The following ORMDL2 variants were observed in gnomAD, a reference collection of about 807,000 sequenced individuals.
The protein encoded by ORMDL2 is ORMDL sphingolipid biosynthesis regulator 2.
In ORMDL2, 11 loss-of-function variants were observed where a neutral mutation model predicts 13.5. The observed-to-expected ratio is 0.82, with a 90% CI of 0.51 to 1.35. The LOEUF is 1.35. Among genes scored for constraint, ORMDL2 ranks in the 40% most tolerant of loss-of-function variants. ORMDL2 has a pLI of 0.00. For synonymous variants in ORMDL2, 73 were observed against 76.5 expected, an observed-to-expected ratio of 0.95 and a Z score of 0.24; for missense variants, 160 against 191.1, an observed-to-expected ratio of 0.84 and a Z score of 0.96.
rs1355271348 is a variant in ORMDL2 at position 55,819,411 on chromosome 12, C to G, written c.244C>G (p.Leu82Val). 8.7e-6 allele frequency: 14 copies of G among 1,614,062 alleles called. No homozygotes were observed. Among genetic ancestry groups the G allele is most frequent in the Non-Finnish European group, 1.2e-5 (14 of 1,179,972 alleles). The part of the protein sequence containing the change: ...FETPDQGKAR[L>V]LTHWEQMDYG... ...GACTCCTGACCAAGGAAAGGCTCGGCTACTGACACACTGGGAGCAAATGGA... is the reference window on the plus strand; with the variant it reads ...GACTCCTGACCAAGGAAAGGCTCGGGTACTGACACACTGGGAGCAAATGGA... The change falls in exon 3 of 4, where the codon CTA becomes GTA. Residue 82 changes from leucine (L) to valine (V), a missense_variant. By Grantham distance (32) the Leu-to-Val change is conservative. Coordinates refer to ENST00000243045, the MANE Select transcript of ORMDL2 (RefSeq NM_014182.5).
Position 55,819,347 on chromosome 12 carries a change from G to A in ORMDL2, c.180G>A (p.Thr60=), listed in dbSNP as rs769970940. ...TLTNVIHNLA[T]YVFLHTVKGT... The stretch of plus-strand genomic sequence containing the variant: ...GCCACCTTCCCTGTTCCCAGGCTAC[G>A]TATGTCTTCCTTCATACGGTGAAAG... The change falls in exon 3 of 4, where the codon ACG becomes ACA. Residue 60 remains threonine, a synonymous_variant. Transcript: ENST00000243045. 9 of 1,613,586 alleles carry A rather than the reference G, an allele frequency of 5.6e-6. No individual in the cohort carries two copies. Among genetic ancestry groups the A allele is most frequent in the South Asian group, 2.2e-5 (2 of 91,046 alleles).
chr12:55,820,225 T>C, intron 3 of ORMDL2, 35 bp from the exon 4 acceptor site: 1 of 1,586,830 alleles, frequency 6.3e-7, no homozygotes, highest in South Asian at 1.1e-5. Flanking sequence ...ATAGAGAAGG[T>C]CAACCTCACT....
rs1880674977 is a variant in ORMDL2, at chr12:55,821,868, G to T, written c.*1473G>T. On this transcript the variant is annotated 3_prime_UTR_variant, in exon 4 of 4. Transcript: ENST00000243045. ...AAGACTCCATCTCAAAAAATAAAAAGAAAAAGATTCAGTTCCTAGGTGTTG... is the reference window on the plus strand; with the variant it reads ...AAGACTCCATCTCAAAAAATAAAAATAAAAAGATTCAGTTCCTAGGTGTTG... 2.4e-6 allele frequency: 3 copies of T among 1,240,968 alleles called. No homozygotes were observed. The highest frequency in any genetic ancestry group is 2.5e-5 in the East Asian group (1 of 40,402). 76.9% of individuals were successfully genotyped at this position (1,240,968 alleles called of 1,614,324 possible). A position where few individuals can be genotyped will look rare whatever the true frequency, so the allele number is the denominator to read the frequency against.
In ORMDL2 at chr12:55,819,397, A is replaced by G. The variant is rs770171554; in HGVS notation, c.230A>G (p.Gln77Arg). Residue 77 changes from glutamine (Q) to arginine (R), a missense_variant, in exon 3 of 4, where the codon CAA becomes CGA. Coordinates refer to ENST00000243045, the MANE Select transcript of ORMDL2 (RefSeq NM_014182.5). ...VKGTPFETPD[Q>R]GKARLLTHWE... ...GGGACACCCTTTGAGACTCCTGACC[A>G]AGGAAAGGCTCGGCTACTGACACAC... 1.2e-6 allele frequency: 2 copies of G among 1,614,150 alleles called. No individual in the cohort carries two copies. The highest frequency in any genetic ancestry group is 1.7e-6 in the Non-Finnish European group (2 of 1,180,008).
chr12:55,818,241 T>G (rs1484431537), intron 1 of ORMDL2, 129 bp downstream of exon 1: 29 of 218,202 alleles, frequency 1.3e-4, no homozygotes, highest in South Asian at 2.7e-4. Flanking sequence ...CCGATGAACA[T>G]GAGGAGGAAG....
chr12:55,820,357 T>C lies in ORMDL2; in HGVS notation c.424T>C (p.Phe142Leu). 2 of 1,614,198 alleles carry C rather than the reference T, an allele frequency of 1.2e-6. No homozygotes were observed. Among genetic ancestry groups the C allele is most frequent in the Non-Finnish European group, 1.7e-6 (2 of 1,180,026 alleles). ...LSVLLPKLPQFHGVRVFGINK... is the reference protein window; with the variant it reads ...LSVLLPKLPQLHGVRVFGINK... ...TGTACTGCTGCCGAAGTTGCCCCAG[T>C]TCCATGGGGTTCGTGTCTTTGGCAT... is the stretch of plus-strand genomic sequence containing the variant. Residue 142 changes from phenylalanine to leucine, a missense_variant, in exon 4 of 4, where the codon TTC becomes CTC. Physicochemically the swap from Phe to Leu is conservative, Grantham distance 22. Transcript: ENST00000243045.
intron 3 of ORMDL2, among the ~76,000 whole-genome samples, chr12:55,820,039 G>A (rs1464967829): frequency 6.6e-6 from 1 of 152,194 alleles, no homozygotes; most frequent in Non-Finnish European, 1.5e-5. Context: ...AAGAGAAAGA[G>A]CAGGGCACTG....
Position 55,820,334 on chromosome 12 carries a change from T to C in ORMDL2, c.401T>C (p.Val134Ala). The change falls in exon 4 of 4, where the codon GTA (valine) becomes GCA (alanine). Residue 134 changes from valine to alanine, a missense_variant. Coordinates refer to ENST00000243045, the MANE Select transcript of ORMDL2 (RefSeq NM_014182.5). ...ATCAACACAGCCTCATTGCTAAGTG[T>C]ACTGCTGCCGAAGTTGCCCCAGTTC... ...FLINTASLLS[V>A]LLPKLPQFHG... The C allele has an allele frequency of 1.2e-6, 2 of 1,614,142 alleles. No homozygotes were observed. The highest frequency in any genetic ancestry group is 1.7e-6 in the Non-Finnish European group (2 of 1,179,992).
chr12:55,820,127 C>T, intron 3 of ORMDL2, 133 bp from the exon 4 acceptor site: 1 of 798,992 alleles, frequency 1.3e-6, no homozygotes, highest in South Asian at 1.7e-5. Context: ...TGAGGTTGTA[C>T]TGCACGTATC....
In ORMDL2 at chr12:55,818,061, G is replaced by A. The variant is rs1217750977; in HGVS notation, c.-53G>A. 3.7e-6 allele frequency: 2 copies of A among 542,998 alleles called. No homozygotes were observed. The highest frequency in any genetic ancestry group is 7.0e-6 in the Non-Finnish European group (2 of 284,150). The allele number at this position is 542,998 out of a possible 1,614,324, so 33.6% of individuals were successfully genotyped here. A position where few individuals can be genotyped will look rare whatever the true frequency, so the allele number is the denominator to read the frequency against. ...GAGGCGTTACTTCCTGGAGACTTCA[G>A]GTGTGGTAGCCGGCGCCGCGCCCAT... On this transcript the variant is annotated 5_prime_UTR_variant, in exon 1 of 4. Coordinates refer to ENST00000243045, the MANE Select transcript of ORMDL2 (RefSeq NM_014182.5).
In ORMDL2 at chr12:55,820,461, C is replaced by T; in HGVS notation, c.*66C>T. Reference sequence around the variant, plus strand: ...ACTGAAACAGAGGACTATAAAACATCCTTCTCTTATTCTCCATACTGTCTT... The same window carrying T: ...ACTGAAACAGAGGACTATAAAACATTCTTCTCTTATTCTCCATACTGTCTT... On this transcript the variant is annotated 3_prime_UTR_variant, in exon 4 of 4. Coordinates refer to ENST00000243045, the MANE Select transcript of ORMDL2 (RefSeq NM_014182.5). The T allele has an allele frequency of 6.5e-7, 1 of 1,536,090 alleles. No homozygotes were observed. The highest frequency in any genetic ancestry group is 9.0e-7 in the Non-Finnish European group (1 of 1,109,046).
In ORMDL2 at chr12:55,818,988, A is replaced by G; in HGVS notation, c.-1-11A>G. 3.7e-6 allele frequency: 6 copies of G among 1,609,196 alleles called. No individual in the cohort carries two copies. The highest frequency in any genetic ancestry group is 4.3e-6 in the Non-Finnish European group (5 of 1,175,864). ...GAGCTGGACTCCTGCCTGATCCCCC[A>G]TTACGGCTAGGATGAATGTGGGGGT... On this transcript the variant is annotated splice_polypyrimidine_tract_variant and intron_variant, in intron 1 of 3. Transcript: ENST00000243045.
chr12:55,819,053 T>C lies in ORMDL2; in HGVS notation c.54T>C (p.Asn18=), dbSNP rs1880589367. The C allele has an allele frequency of 6.2e-7, 1 of 1,614,022 alleles. No individual in the cohort carries two copies. Among genetic ancestry groups the C allele is most frequent in the South Asian group, 1.1e-5 (1 of 91,086 alleles). ...TAAACCCCAACACCCGAGTGATGAATAGCCGAGGCATCTGGCTGGCCTACA... is the reference window on the plus strand; with the variant it reads ...TAAACCCCAACACCCGAGTGATGAACAGCCGAGGCATCTGGCTGGCCTACA... ...SEVNPNTRVM[N]SRGIWLAYII... Residue 18 remains asparagine (N), a synonymous_variant, in exon 2 of 4, where the codon AAT becomes AAC. Coordinates refer to ENST00000243045, the MANE Select transcript of ORMDL2 (RefSeq NM_014182.5).
At chr12:55,819,592 T>C in intron 3 of ORMDL2, 99 bp downstream of exon 3, 6 of 1,038,948 alleles carry the variant, frequency 5.8e-6, no homozygotes, top group Non-Finnish European at 7.2e-6. Context: ...AGACTTCTCA[T>C]CTAAAACCCT....
chr12:55,819,203 C>CA (rs1395026451), intron 2 of ORMDL2, 30 bp downstream of exon 2: 3 of 1,598,690 alleles, frequency 1.9e-6, no homozygotes, highest in African/African-American at 2.7e-5. Flanking sequence ...CTTGTACCCA[C>CA]CCCAGGGTTT....
intron 3 of ORMDL2, 48 bp from the exon 4 acceptor site, chr12:55,820,212 T>C (rs773430886): frequency 6.5e-7 from 1 of 1,539,688 alleles, no homozygotes; most frequent in Non-Finnish European, 8.8e-7. Context: ...AAAAAGAATA[T>C]GGATAGAGAA....
chr12:55,819,347 G>GT lies in ORMDL2; in HGVS notation c.181dup (p.Tyr61LeufsTer13), dbSNP rs763937624. 6.2e-7 allele frequency: 1 copy of GT among 1,613,704 alleles called. No individual in the cohort carries two copies. Among genetic ancestry groups the GT allele is most frequent in the Admixed American group, 1.7e-5 (1 of 59,948 alleles). The stretch of plus-strand genomic sequence containing the variant: ...GCCACCTTCCCTGTTCCCAGGCTAC[G>GT]TATGTCTTCCTTCATACGGTGAAAG... On this transcript the variant is annotated frameshift_variant, in exon 3 of 4. Coordinates refer to ENST00000243045, the MANE Select transcript of ORMDL2 (RefSeq NM_014182.5). LOFTEE classifies it high-confidence loss of function.
chr12:55,818,185 T>C, intron 1 of ORMDL2, 73 bp downstream of exon 1: 1 of 447,224 alleles, frequency 2.2e-6, no homozygotes, highest in Non-Finnish European at 4.5e-6. Context: ...GAGGGAGTGG[T>C]GACCTAAATA....
At chr12:55,818,951 T>G in intron 1 of ORMDL2, 48 bp from the exon 2 acceptor site, 8 of 1,558,728 alleles carry the variant, frequency 5.1e-6, no homozygotes, top group African/African-American at 1.3e-5. Context: ...CAAGAGGGGT[T>G]GAGAAAAAAC....
Sources: allele counts gnomAD v4.1 joint callset (sites outside exome capture counted in the v4.1 genomes callset), GRCh38; gene constraint gnomAD v4.1.1; transcripts MANE v1.5; gene names NCBI Gene and HGNC (gene_info 2026-07-23, HGNC 2026-07-21).